The following JARID2 variants were observed in gnomAD, a reference collection of about 807,000 sequenced individuals.
The protein encoded by JARID2 is protein Jumonji.
In JARID2, 21 loss-of-function variants were observed where a neutral mutation model predicts 125.6. The observed-to-expected ratio is 0.17, with a 90% confidence interval of 0.12 to 0.24. The LOEUF is 0.24. JARID2 is among the 10% of genes least tolerant of loss of function. The pLI is 1.00. For missense variants in JARID2, 1,303 were observed against 1,639.6 expected (o/e 0.79, Z 3.55); for synonymous variants, 736 against 661.6 (o/e 1.11, Z -1.73).
At chr6:15,479,835 C>T (rs1561892028) in intron 5 of JARID2, among the ~76,000 whole-genome samples, 1 of 152,192 alleles carries the variant, frequency 6.6e-6, no homozygotes, top group African/African-American at 2.4e-5. Context: ...GATGGTGGAG[C>T]TGTTTTGGCC....
At chr6:15,422,250 A>G (rs1201618490) in intron 3 of JARID2, among the ~76,000 whole-genome samples, 1 of 152,178 alleles carries the variant, frequency 6.6e-6, no homozygotes, top group Non-Finnish European at 1.5e-5. Flanking sequence ...TTCTGGACGA[A>G]TACTCTTTTT....
chr6:15,425,265 C>T (rs900871447), intron 3 of JARID2, among the ~76,000 whole-genome samples: 11 of 152,146 alleles, frequency 7.2e-5, no homozygotes, highest in Non-Finnish European at 1.3e-4. Flanking sequence ...TTGTGACCTC[C>T]AAGGAGCACA....
chr6:15,354,092 GGATT>G (rs1763518645), intron 1 of JARID2, among the ~76,000 whole-genome samples: 1 of 152,158 alleles, frequency 6.6e-6, no homozygotes, highest in Non-Finnish European at 1.5e-5. Context: ...TTTGCAGCTG[GGATT>G]GATCAAGGAT....
intron 6 of JARID2, among the ~76,000 whole-genome samples, chr6:15,494,342 G>T (rs1449218943): frequency 6.6e-6 from 1 of 151,310 alleles, no homozygotes; most frequent in African/African-American, 2.4e-5. Context: ...TGCCGGTAGG[G>T]CCCAGTGATG....
chr6:15,339,386 C>G (rs1255124852), intron 1 of JARID2, among the ~76,000 whole-genome samples: 1 of 152,032 alleles, frequency 6.6e-6, no homozygotes, highest in Non-Finnish European at 1.5e-5. Flanking sequence ...AAAAACTGGC[C>G]CTGGGACCAG....
At chr6:15,504,839 G>C (rs1476710222) in intron 9 of JARID2, among the ~76,000 whole-genome samples, 2 of 152,150 alleles carry the variant, frequency 1.3e-5, no homozygotes, top group South Asian at 4.1e-4. Flanking sequence ...CAGGGGACGG[G>C]TTCTGGGCAC....
intron 2 of JARID2, among the ~76,000 whole-genome samples, chr6:15,394,064 C>T (rs1352585068): frequency 6.6e-6 from 1 of 152,112 alleles, no homozygotes; most frequent in Admixed American, 6.5e-5. Flanking sequence ...AGGAATTTCT[C>T]ATTTTAATCA....
rs377668410 is a variant in JARID2, at chr6:15,468,531, T to C, written c.494-11T>C. On this transcript the variant is annotated splice_polypyrimidine_tract_variant and intron_variant, in intron 4 of 17. Coordinates refer to ENST00000341776, the MANE Select transcript of JARID2 (RefSeq NM_004973.4). ...GCCTGTGTTTATGAGCTGTTTTTCTTATTCCACCAGGTTCTCCTGCGCTGC... is the reference window on the plus strand; with the variant it reads ...GCCTGTGTTTATGAGCTGTTTTTCTCATTCCACCAGGTTCTCCTGCGCTGC... The C allele has an allele frequency of 1.0e-4, 167 of 1,607,238 alleles. No individual in the cohort carries two copies. Among genetic ancestry groups the C allele is most frequent in the Non-Finnish European group, 1.4e-4 (167 of 1,176,156 alleles).
chr6:15,365,689 T>A (rs1007922870), intron 1 of JARID2, among the ~76,000 whole-genome samples: 7 of 152,048 alleles, frequency 4.6e-5, no homozygotes, highest in African/African-American at 1.2e-4. Context: ...TTGGAAGAAG[T>A]AAAACTCTCC....
At chr6:15,343,561 T>C (rs531272580) in intron 1 of JARID2, among the ~76,000 whole-genome samples, 1 of 152,322 alleles carries the variant, frequency 6.6e-6, no homozygotes, top group South Asian at 2.1e-4. Context: ...TAGGCTATTG[T>C]GCAGTCAAAG....
chr6:15,305,546 T>C (rs1761789337), intron 1 of JARID2, among the ~76,000 whole-genome samples: 1 of 152,250 alleles, frequency 6.6e-6, no homozygotes, highest in South Asian at 2.1e-4. Context: ...CTTTCTCTTC[T>C]TGTTTGCATT....
intron 1 of JARID2, among the ~76,000 whole-genome samples, chr6:15,295,123 C>CTTTT (rs60419870): frequency 6.2e-5 from 8 of 129,454 alleles, no homozygotes; most frequent in Admixed American, 1.6e-4. Flanking sequence ...TTTTTTCTTT[C>CTTTT]TTTTTTTTTT....
chr6:15,494,949 A>AGAG (rs1239217463), intron 6 of JARID2, among the ~76,000 whole-genome samples: 5 of 152,074 alleles, frequency 3.3e-5, no homozygotes, highest in African/African-American at 1.2e-4. Flanking sequence ...GTTGGGGAGA[A>AGAG]GAGGGGGCTA....
In JARID2 at chr6:15,443,322, C is replaced by T. The variant is rs565475105; in HGVS notation, c.324-8684C>T. On this transcript the variant is annotated intron_variant, in intron 3 of 17. Transcript: ENST00000341776. ...GACTCACAGTTCTGAAGTAAGTTAA[C>T]GTGTTGCCTAAATGAGTTACTCCTC... Among the ~76,000 whole-genome samples, 82 of 152,186 alleles carry T rather than the reference C, an allele frequency of 5.4e-4. 1 individual carries two copies. Among genetic ancestry groups the T allele is most frequent in the South Asian group, 1.7e-3 (8 of 4,828 alleles).
rs139262139 is a variant in JARID2, at chr6:15,503,273, A to G, written c.2449-1227A>G. ...TCATTGCACTCTGCCTTGGTGCAGA[A>G]TTCAGTCCCTCCTTTTTTATATTTA... On this transcript the variant is annotated intron_variant, in intron 8 of 17. Transcript: ENST00000341776. Among the ~76,000 whole-genome samples the G allele has an allele frequency of 4.0e-3, 604 of 152,336 alleles. 5 individuals are homozygous for G. The highest frequency in any genetic ancestry group is 0.014 in the African/African-American group (577 of 41,578).
chr6:15,323,593 C>G (rs550862115), intron 1 of JARID2, among the ~76,000 whole-genome samples: 1 of 152,326 alleles, frequency 6.6e-6, no homozygotes, highest in South Asian at 2.1e-4. Context: ...TTAGGGGACA[C>G]AAGGCAACCT....
At chr6:15,365,060 T>C (rs1270371118) in intron 1 of JARID2, among the ~76,000 whole-genome samples, 2 of 152,234 alleles carry the variant, frequency 1.3e-5, no homozygotes, top group Non-Finnish European at 2.9e-5. Flanking sequence ...TTAGAATTTC[T>C]TTGTAAATAA....
chr6:15,422,011 A>G (rs147132707), intron 3 of JARID2, among the ~76,000 whole-genome samples: 31 of 152,332 alleles, frequency 2.0e-4, no homozygotes, highest in Non-Finnish European at 1.5e-4. Context: ...TTGCTTCATT[A>G]TAAACTGAGC....
At chr6:15,308,140 C>G (rs1561783875) in intron 1 of JARID2, among the ~76,000 whole-genome samples, 1 of 152,176 alleles carries the variant, frequency 6.6e-6, no homozygotes, top group African/African-American at 2.4e-5. Context: ...CTTCCTTAAT[C>G]CTTTACCTGT....
Sources: gnomAD v4.1 joint callset for allele counts (sites outside exome capture counted in the v4.1 genomes callset) on GRCh38, gnomAD v4.1.1 for gene constraint, MANE v1.5 for transcripts, NCBI Gene and HGNC (gene_info 2026-07-23, HGNC 2026-07-21) for gene names.